The following TPST1 variants were observed in gnomAD, a reference collection of about 807,000 sequenced individuals.
TPST1 encodes the protein protein-tyrosine sulfotransferase 1.
A neutral mutation model predicts 34.8 loss-of-function variants in TPST1; 20 were observed. The ratio of observed to expected loss-of-function variants is 0.57; its 90% CI spans 0.40 to 0.84. The LOEUF (loss-of-function observed/expected upper bound fraction) is 0.84, where lower values mean the gene tolerates loss of function less well. Ranked by LOEUF, TPST1 falls within the 40% of genes least tolerant of loss-of-function variation. The probability of loss-of-function intolerance (pLI) is 0.00; values close to 1 mark genes in which losing one functional copy is unlikely to be tolerated. For missense variants in TPST1, 353 were observed against 455.5 expected, an observed-to-expected ratio of 0.78 and a Z score of 2.05; for synonymous variants, 152 against 159.4, an observed-to-expected ratio of 0.95 and a Z score of 0.35.
chr7:66,300,762 A>G (rs1177525629), intron 3 of TPST1, among the ~76,000 whole-genome samples: 1 of 152,162 alleles, frequency 6.6e-6, no homozygotes, highest in East Asian at 1.9e-4. Context: ...CCTGGCCAAC[A>G]TGGCGAAACT....
chr7:66,257,313 C>T (rs1790400569), intron 2 of TPST1, among the ~76,000 whole-genome samples: 1 of 152,158 alleles, frequency 6.6e-6, no homozygotes, highest in South Asian at 2.1e-4. Context: ...ATCCTCCCTT[C>T]CCTATATCCA....
chr7:66,273,201 C>G (rs1173605147), intron 2 of TPST1, among the ~76,000 whole-genome samples: 1 of 152,020 alleles, frequency 6.6e-6, no homozygotes, highest in African/African-American at 2.4e-5. Context: ...AAAAAAAAGA[C>G]TTATGAATAA....
At chr7:66,317,709 C>T (rs1743769682) in intron 3 of TPST1, among the ~76,000 whole-genome samples, 1 of 151,258 alleles carries the variant, frequency 6.6e-6, no homozygotes, top group African/African-American at 2.4e-5. Context: ...ACCTATTGTC[C>T]CTTTTTTAAA....
In TPST1 at chr7:66,313,325, G is replaced by A. The variant is rs187804400; in HGVS notation, c.1044+26616G>A. Among the ~76,000 whole-genome samples the A allele has an allele frequency of 4.9e-3, 744 of 152,238 alleles. 4 individuals are homozygous for A. Among genetic ancestry groups the A allele is most frequent in the Admixed American group, 8.4e-3 (128 of 15,288 alleles). ...AGCTACTCGGGAGGCTGAGGCAGGA[G>A]AATCATTTGAACTCGGGAGGCGGAG... On this transcript the variant is annotated intron_variant, in intron 3 of 5. Coordinates refer to ENST00000304842, the MANE Select transcript of TPST1 (RefSeq NM_003596.4).
Position 66,348,874 on chromosome 7 carries a change from T to G in TPST1, c.1045-3631T>G, listed in dbSNP as rs557630309. On this transcript the variant is annotated intron_variant, in intron 3 of 5. Transcript: ENST00000304842. ...ACTGAATTTTTGCGTGAGCCTTTAT[T>G]TGATATTTTACCCAGACCCCTTTTG... is the stretch of plus-strand genomic sequence containing the variant. 4.6e-5 allele frequency among the ~76,000 whole-genome samples: 7 copies of G among 152,336 alleles called. No homozygotes were observed. The South Asian group carries it at 1.4e-3, about 32-fold the overall frequency.
intron 5 of TPST1, 113 bp from the exon 6 acceptor site, chr7:66,359,782 C>A: frequency 2.3e-6 from 1 of 427,968 alleles, no homozygotes; most frequent in Non-Finnish European, 4.8e-6. Context: ...CTGCAGGAAC[C>A]TCCCCAACCG....
intron 2 of TPST1, among the ~76,000 whole-genome samples, chr7:66,246,115 A>G (rs1388032218): frequency 6.8e-6 from 1 of 147,834 alleles, no homozygotes; most frequent in Non-Finnish European, 1.5e-5. Flanking sequence ...GGTTCAAATG[A>G]TCTTCCCACC....
At chr7:66,242,803 G>A (rs1164170696) in intron 2 of TPST1, among the ~76,000 whole-genome samples, 1 of 152,098 alleles carries the variant, frequency 6.6e-6, no homozygotes, top group Non-Finnish European at 1.5e-5. Flanking sequence ...AGAACATTTT[G>A]TGTATATACT....
chr7:66,353,154 A>C (rs1792515344), intron 4 of TPST1, among the ~76,000 whole-genome samples: 1 of 152,188 alleles, frequency 6.6e-6, no homozygotes, highest in African/African-American at 2.4e-5. Context: ...ATCTCTACTG[A>C]AAATATAAAA....
chr7:66,245,925 C>G (rs1790137584), intron 2 of TPST1, among the ~76,000 whole-genome samples: 1 of 152,072 alleles, frequency 6.6e-6, no homozygotes, highest in South Asian at 2.1e-4. Context: ...ATGAAGCTAT[C>G]AGAGAACAAG....
chr7:66,301,473 C>T (rs866623203), intron 3 of TPST1, among the ~76,000 whole-genome samples: 8 of 152,338 alleles, frequency 5.3e-5, no homozygotes, highest in South Asian at 4.1e-4. Flanking sequence ...ATGGAAGAGG[C>T]CTGGCTTTCA....
intron 3 of TPST1, among the ~76,000 whole-genome samples, chr7:66,341,833 G>T (rs1303873342): frequency 1.3e-5 from 2 of 152,196 alleles, no homozygotes; most frequent in Non-Finnish European, 2.9e-5. Context: ...TATTCTTGTA[G>T]AGGTGAGGTG....
chr7:66,356,914 CG>C, intron 5 of TPST1, 43 bp downstream of exon 5: 1 of 1,606,656 alleles, frequency 6.2e-7, no homozygotes, highest in Non-Finnish European at 8.5e-7. Flanking sequence ...GTTTCCCACT[CG>C]GGCTCTTGCA....
intron 1 of TPST1, among the ~76,000 whole-genome samples, chr7:66,237,976 G>A (rs886394687): frequency 6.6e-5 from 10 of 152,078 alleles, no homozygotes; most frequent in African/African-American, 2.2e-4. Flanking sequence ...TCACCAGACC[G>A]ACTTAAAATT....
At chr7:66,306,600 TAAAC>T (rs1483875561) in intron 3 of TPST1, among the ~76,000 whole-genome samples, 7 of 152,256 alleles carry the variant, frequency 4.6e-5, no homozygotes, top group East Asian at 3.9e-4. Flanking sequence ...GAGAAAAAAA[TAAAC>T]AAACAGAAAA....
intron 2 of TPST1, among the ~76,000 whole-genome samples, chr7:66,280,469 G>T (rs1390587171): frequency 1.3e-5 from 2 of 152,182 alleles, no homozygotes; most frequent in African/African-American, 4.8e-5. Flanking sequence ...CAATGATTTT[G>T]TATCCTGAAA....
chr7:66,293,497 C>T (rs904365134), intron 3 of TPST1, among the ~76,000 whole-genome samples: 8 of 152,006 alleles, frequency 5.3e-5, no homozygotes, highest in African/African-American at 9.7e-5. Flanking sequence ...AGCAAGACCC[C>T]GTCTCAAAAT....
intron 3 of TPST1, among the ~76,000 whole-genome samples, chr7:66,300,782 C>G (rs1001457975): frequency 1.3e-5 from 2 of 152,046 alleles, no homozygotes; most frequent in African/African-American, 4.8e-5. Flanking sequence ...TCCATCTCTA[C>G]TAAAAATACA....
intron 3 of TPST1, among the ~76,000 whole-genome samples, chr7:66,340,169 C>T (rs1462511429): frequency 6.6e-6 from 1 of 151,646 alleles, no homozygotes; most frequent in Non-Finnish European, 1.5e-5. Context: ...AACCCCATCT[C>T]TACTAAAAAT....
Sources: gnomAD v4.1 joint callset for allele counts (sites outside exome capture counted in the v4.1 genomes callset) on GRCh38, gnomAD v4.1.1 for gene constraint, MANE v1.5 for transcripts, NCBI Gene and HGNC (gene_info 2026-07-23, HGNC 2026-07-21) for gene names.